GRAMD1C: variants seen among roughly 807,000 people sequenced by gnomAD.
GRAMD1C encodes the protein GRAM domain containing 1C, also known as protein Aster-C.
In GRAMD1C, 89 loss-of-function variants were observed where a neutral mutation model predicts 97.8. That is an observed-to-expected ratio of 0.91 (90% CI 0.77 to 1.09). GRAMD1C has a LOEUF of 1.09. Among genes scored for constraint, GRAMD1C ranks in the 50% least tolerant of loss-of-function variants. The probability of loss-of-function intolerance (pLI) is 0.00; values close to 1 mark genes in which losing one functional copy is unlikely to be tolerated. For synonymous variants in GRAMD1C, 256 were observed against 267.0 expected, an observed-to-expected ratio of 0.96 and a Z score of 0.40; for missense variants, 740 against 766.4, an observed-to-expected ratio of 0.97 and a Z score of 0.41.
chr3:113,917,856 C>CA (rs1936885976), intron 10 of GRAMD1C, among the ~76,000 whole-genome samples: 1 of 41,868 alleles, frequency 2.4e-5, no homozygotes, highest in Non-Finnish European at 4.1e-5. Context: ...CCATGCTTGG[C>CA]TTTTTTTTTT....
At chr3:113,860,316 G>A (rs1309474181) in intron 2 of GRAMD1C, among the ~76,000 whole-genome samples, 5 of 151,910 alleles carry the variant, frequency 3.3e-5, no homozygotes, top group African/African-American at 7.3e-5. Flanking sequence ...CACTGCACTC[G>A]GCCAAAATGG....
chr3:113,892,210 G>A (rs1032484377), intron 6 of GRAMD1C, among the ~76,000 whole-genome samples: 8 of 151,994 alleles, frequency 5.3e-5, no homozygotes, highest in Admixed American at 4.6e-4. Flanking sequence ...CAGTGCTCAC[G>A]CCTGTAATCC....
chr3:113,850,261 A>G, intron 2 of GRAMD1C: 1 of 653,828 alleles, frequency 1.5e-6, no homozygotes, highest in Admixed American at 1.8e-5. Flanking sequence ...GACCACGTCC[A>G]CGACCAAATC....
intron 2 of GRAMD1C, among the ~76,000 whole-genome samples, chr3:113,848,239 T>A (rs1022207557): frequency 6.6e-6 from 1 of 152,186 alleles, no homozygotes; most frequent in African/African-American, 2.4e-5. Flanking sequence ...GTATGTTGCA[T>A]AACCTGTCTC....
intron 6 of GRAMD1C, chr3:113,885,411 C>G (rs1935435271): frequency 1.3e-6 from 2 of 1,575,316 alleles, no homozygotes; most frequent in Non-Finnish European, 1.7e-6. Context: ...TAATTCAGTA[C>G]CAAACTGTTC....
intron 13 of GRAMD1C, among the ~76,000 whole-genome samples, chr3:113,935,394 G>T (rs1937557925): frequency 6.6e-6 from 1 of 152,014 alleles, no homozygotes; most frequent in Non-Finnish European, 1.5e-5. Flanking sequence ...GTATGTACAT[G>T]TATGGATTTG....
intron 9 of GRAMD1C, among the ~76,000 whole-genome samples, chr3:113,911,753 A>G (rs907845439): frequency 5.3e-5 from 2 of 37,906 alleles, no homozygotes; most frequent in African/African-American, 1.3e-4. Flanking sequence ...TTCCTGACAG[A>G]GTCTTGCTCT....
At chr3:113,828,668 C>T (rs1425987108) in intron 1 of GRAMD1C, among the ~76,000 whole-genome samples, 1 of 152,182 alleles carries the variant, frequency 6.6e-6, no homozygotes, top group Admixed American at 6.5e-5. Context: ...ATCCATGTTC[C>T]CTTTTTCATT....
chr3:113,850,067 G>A (rs1197574854), intron 2 of GRAMD1C, among the ~76,000 whole-genome samples: 1 of 152,068 alleles, frequency 6.6e-6, no homozygotes, highest in Non-Finnish European at 1.5e-5. Context: ...CCGGACGGGG[G>A]GCTGAACCCC....
At chr3:113,848,991 A>ACAAC (rs1466111190) in intron 2 of GRAMD1C, among the ~76,000 whole-genome samples, 1 of 151,592 alleles carries the variant, frequency 6.6e-6, no homozygotes, top group East Asian at 1.9e-4. Context: ...TGTAAAACAA[A>ACAAC]CAAACAACCA....
At chr3:113,833,134 T>G (rs573990336) in intron 1 of GRAMD1C, among the ~76,000 whole-genome samples, 2,857 of 149,366 alleles carry the variant, frequency 0.019, 90 homozygotes, top group African/African-American at 0.064. Flanking sequence ...TTTTTTTTTT[T>G]TGTGTGTGTG....
chr3:113,915,145 C>T (rs2107339517), intron 9 of GRAMD1C, among the ~76,000 whole-genome samples: 1 of 152,052 alleles, frequency 6.6e-6, no homozygotes, highest in East Asian at 1.9e-4. Flanking sequence ...TTTCTTAGTT[C>T]TTTTAATGTG....
chr3:113,933,520 A>G lies in GRAMD1C; in HGVS notation c.1219A>G (p.Lys407Glu), dbSNP rs145584975. 1,345 of 1,610,542 alleles carry G rather than the reference A, an allele frequency of 8.4e-4. 10 individuals carry two copies. The African/African-American group carries it at 0.016, about 20-fold the overall frequency. ...TAATEKQTLY[K>E]ESREARFYLV... is the part of the protein sequence containing the mutation. ...TATCTTACTTTGGCAGACACTGTAT[A>G]AAGAAAGTCGGGAAGCACGATTTTA... Residue 407 changes from lysine (K) to glutamate (E), a missense_variant, in exon 12 of 18, where the codon AAA becomes GAA. By Grantham distance (56) the Lys-to-Glu change is moderately conservative. Coordinates refer to ENST00000358160, the MANE Select transcript of GRAMD1C (RefSeq NM_017577.5).
chr3:113,920,093 A>G, intron 10 of GRAMD1C: 1 of 1,289,258 alleles, frequency 7.8e-7, no homozygotes, highest in South Asian at 1.3e-5. Flanking sequence ...GCAGGAGATC[A>G]TTTTATGAAG....
At chr3:113,890,225 A>C (rs1396736801) in intron 6 of GRAMD1C, among the ~76,000 whole-genome samples, 3 of 152,194 alleles carry the variant, frequency 2.0e-5, no homozygotes, top group Admixed American at 6.5e-5. Flanking sequence ...TGCCAAGCCC[A>C]GTCTCTCTGA....
chr3:113,911,173 G>GACACACACACAC (rs60151773), intron 9 of GRAMD1C, among the ~76,000 whole-genome samples: 6,462 of 147,132 alleles, frequency 0.044, 432 homozygotes, highest in African/African-American at 0.15. Flanking sequence ...CAGAGAGAGA[G>GACACACACACAC]ACACACACAC....
chr3:113,915,596 T>C (rs1469254975), intron 9 of GRAMD1C, 105 bp from the exon 10 acceptor site: 2 of 828,540 alleles, frequency 2.4e-6, no homozygotes, highest in African/African-American at 1.7e-5. Flanking sequence ...TTAAAAACCA[T>C]TTTATGCCCA....
chr3:113,923,401 G>A (rs1449928753), intron 10 of GRAMD1C, among the ~76,000 whole-genome samples: 2 of 151,986 alleles, frequency 1.3e-5, no homozygotes, highest in East Asian at 3.8e-4. Context: ...TTGGCTGTGC[G>A]GTTTGTCATA....
At chr3:113,943,745 C>G (rs1937921660) in intron 17 of GRAMD1C, among the ~76,000 whole-genome samples, 2 of 152,066 alleles carry the variant, frequency 1.3e-5, no homozygotes, top group Admixed American at 6.5e-5. Flanking sequence ...GAAACCCCGT[C>G]TCTACTAAAA....
Sources: allele counts gnomAD v4.1 joint callset (sites outside exome capture counted in the v4.1 genomes callset), GRCh38; gene constraint gnomAD v4.1.1; transcripts MANE v1.5; gene names NCBI Gene and HGNC (gene_info 2026-07-23, HGNC 2026-07-21).